L2HGDH: variants seen among roughly 807,000 people sequenced by gnomAD.
L2HGDH encodes the protein L-2-hydroxyglutarate dehydrogenase.
L2HGDH carries 34 observed loss-of-function variants against 51.5 expected under a neutral mutation model. The ratio of observed to expected loss-of-function variants is 0.66; its 90% CI spans 0.50 to 0.88. The LOEUF is 0.88. L2HGDH is among the 40% of genes least tolerant of loss of function. L2HGDH has a pLI of 0.00. For missense variants in L2HGDH, 558 were observed against 571.9 expected (o/e 0.98, Z 0.25); for synonymous variants, 198 against 197.9 (o/e 1.00, Z -0.01).
intron 1 of L2HGDH, among the ~76,000 whole-genome samples, chr14:50,305,677 T>C (rs981019032): frequency 6.6e-6 from 1 of 152,214 alleles, no homozygotes; most frequent in Non-Finnish European, 1.5e-5. Flanking sequence ...AGGTAGGTGT[T>C]CAAAACACTT....
At chr14:50,272,530 G>A (rs1009656529) in intron 6 of L2HGDH, among the ~76,000 whole-genome samples, 6 of 152,148 alleles carry the variant, frequency 3.9e-5, no homozygotes, top group Non-Finnish European at 8.8e-5. Flanking sequence ...TAGGGTTTTT[G>A]GAGGAAAGTT....
chr14:50,272,060 G>A (rs1889725933), intron 6 of L2HGDH, among the ~76,000 whole-genome samples: 1 of 152,200 alleles, frequency 6.6e-6, no homozygotes, highest in South Asian at 2.1e-4. Context: ...ACAATCACTT[G>A]AATCTGGGAG....
At chr14:50,306,358 T>A (rs935808335) in intron 1 of L2HGDH, among the ~76,000 whole-genome samples, 1 of 152,244 alleles carries the variant, frequency 6.6e-6, no homozygotes, top group South Asian at 2.1e-4. Context: ...TGTATTTTTT[T>A]AATTTATCAA....
chr14:50,312,055 C>T lies in L2HGDH; in HGVS notation c.96G>A (p.Gly32=). Residue 32 remains glycine, a synonymous_variant, in exon 1 of 10, where the codon GGG becomes GGA. Transcript: ENST00000267436. Reference sequence around the variant, plus strand: ...TACCTCCACACAGCGGTCTTGGCCTCCCAGACGCGAACCCGCACGCCCCAG... The same window carrying T: ...TACCTCCACACAGCGGTCTTGGCCTTCCAGACGCGAACCCGCACGCCCCAG... ...GSPGACGFAS[G]RPRPLCGGSR... The T allele has an allele frequency of 6.3e-7, 1 of 1,592,542 alleles. No individual in the cohort carries two copies. The highest frequency in any genetic ancestry group is 8.5e-7 in the Non-Finnish European group (1 of 1,171,284).
intron 9 of L2HGDH, among the ~76,000 whole-genome samples, chr14:50,255,464 AGGT>A (rs893440928): frequency 1.4e-5 from 2 of 142,782 alleles, no homozygotes; most frequent in African/African-American, 2.6e-5. Context: ...TGAATCCAGG[AGGT>A]GGAGGTTGCG....
At chr14:50,303,077 AC>A (rs1254981624) in intron 1 of L2HGDH, 60 bp from the exon 2 acceptor site, 3 of 1,020,124 alleles carry the variant, frequency 2.9e-6, no homozygotes, top group African/African-American at 1.6e-5. Flanking sequence ...GCCAAACTTC[AC>A]ATGCATAATT....
intron 5 of L2HGDH, among the ~76,000 whole-genome samples, chr14:50,282,705 A>C (rs1890338698): frequency 6.6e-6 from 1 of 152,214 alleles, no homozygotes; most frequent in African/African-American, 2.4e-5. Flanking sequence ...GAATTGTAAA[A>C]GTCAAATGAG....
At chr14:50,277,796 A>G (rs1435751241) in intron 6 of L2HGDH, among the ~76,000 whole-genome samples, 3 of 145,866 alleles carry the variant, frequency 2.1e-5, no homozygotes, top group African/African-American at 7.6e-5. Context: ...TAATAATAAT[A>G]ATAATAATAA....
At chr14:50,267,490 C>T (rs1310813682) in intron 8 of L2HGDH, among the ~76,000 whole-genome samples, 2 of 152,088 alleles carry the variant, frequency 1.3e-5, no homozygotes, top group East Asian at 3.8e-4. Flanking sequence ...CCAGCCTTTT[C>T]TTTTTAACCC....
intron 3 of L2HGDH, among the ~76,000 whole-genome samples, chr14:50,295,826 C>A (rs1595135902): frequency 6.6e-6 from 1 of 150,644 alleles, no homozygotes; most frequent in South Asian, 2.1e-4. Flanking sequence ...GCAACCTCTG[C>A]GTCCCAGGTT....
intron 6 of L2HGDH, among the ~76,000 whole-genome samples, chr14:50,270,042 C>G (rs923885137): frequency 6.6e-6 from 1 of 152,150 alleles, no homozygotes. Flanking sequence ...ACTCAATAAT[C>G]CTGCCCAGTT....
Position 50,244,888 on chromosome 14 carries a change from A to C in L2HGDH, c.*2170T>G, listed in dbSNP as rs1887933953. The C allele has an allele frequency of 1.0e-6, 1 of 985,384 alleles. No individual in the cohort carries two copies. The highest frequency in any genetic ancestry group is 1.2e-6 in the Non-Finnish European group (1 of 829,948). 61.0% of individuals were successfully genotyped at this position (985,384 alleles called of 1,614,324 possible). A position where few individuals can be genotyped will look rare whatever the true frequency, so the allele number is the denominator to read the frequency against. Reference sequence around the variant, plus strand: ...AGTAGAAGATGAATCCTGAGAGAGCAAATCAGAGAGAATGGATGAAAATGC... The same window carrying C: ...AGTAGAAGATGAATCCTGAGAGAGCCAATCAGAGAGAATGGATGAAAATGC... On this transcript the variant is annotated 3_prime_UTR_variant, in exon 10 of 10. Transcript: ENST00000267436.
At chr14:50,311,427 G>A (rs1445397849) in intron 1 of L2HGDH, 1 of 456,024 alleles carries the variant, frequency 2.2e-6, no homozygotes, top group South Asian at 1.5e-5. Context: ...CACACAAACT[G>A]TTTCTTCTAC....
At chr14:50,287,123 T>C in intron 4 of L2HGDH, 3 of 920,522 alleles carry the variant, frequency 3.3e-6, no homozygotes, top group Non-Finnish European at 2.6e-6. Flanking sequence ...CAAAAATATG[T>C]GTAATACATA....
chr14:50,267,638 T>C (rs757271453), intron 8 of L2HGDH, 115 bp downstream of exon 8: 3 of 790,410 alleles, frequency 3.8e-6, no homozygotes, highest in Non-Finnish European at 6.3e-6. Context: ...CAACATTCAA[T>C]ATACCAATCA....
intron 6 of L2HGDH, 109 bp from the exon 7 acceptor site, chr14:50,269,439 C>T (rs998386262): frequency 9.1e-7 from 1 of 1,093,318 alleles, no homozygotes; most frequent in African/African-American, 1.6e-5. Flanking sequence ...AGAATTTTTT[C>T]TAAAAGAGGA....
intron 9 of L2HGDH, among the ~76,000 whole-genome samples, chr14:50,262,068 A>G (rs143185578): frequency 6.6e-6 from 1 of 152,170 alleles, no homozygotes; most frequent in Non-Finnish European, 1.5e-5. Flanking sequence ...TACTAAGGGC[A>G]TTTATGGTTT....
chr14:50,258,084 AAAAAAG>A (rs1203637583), intron 9 of L2HGDH, among the ~76,000 whole-genome samples: 1 of 151,640 alleles, frequency 6.6e-6, no homozygotes, highest in Non-Finnish European at 1.5e-5. Flanking sequence ...AAAAAAAAAA[AAAAAAG>A]AAAAAGAAAG....
chr14:50,256,566 T>TA lies in L2HGDH; in HGVS notation c.1196+8791_1196+8792insT, dbSNP rs1566504763. The stretch of plus-strand genomic sequence containing the variant: ...GCATTTTTCTAGCACATAGATTTTT[T>TA]TAAATCCAACCTGATAATCTGTCTT... On this transcript the variant is annotated intron_variant, in intron 9 of 9. Transcript: ENST00000267436. Among the ~76,000 whole-genome samples, 3 of 152,100 alleles carry TA rather than the reference T, an allele frequency of 2.0e-5. No individual in the cohort carries two copies. The East Asian group carries it at 5.8e-4, about 29-fold the overall frequency.
Sources: allele counts gnomAD v4.1 joint callset (sites outside exome capture counted in the v4.1 genomes callset), GRCh38; gene constraint gnomAD v4.1.1; transcripts MANE v1.5; gene names NCBI Gene and HGNC (gene_info 2026-07-23, HGNC 2026-07-21).